Variants in MEF2A observed in about 807,000 individuals in gnomAD.
MEF2A encodes the protein myocyte enhancer factor 2A.
Under a neutral mutation model 55.8 loss-of-function variants are expected in MEF2A, and 28 were observed. The observed-to-expected ratio is 0.50, with a 90% CI of 0.37 to 0.69. MEF2A has a LOEUF of 0.69. Ranked by LOEUF, MEF2A falls within the 30% of genes least tolerant of loss-of-function variation. The pLI is 0.00. For synonymous variants in MEF2A, 239 were observed against 227.1 expected (o/e 1.05, Z -0.47); for missense variants, 528 against 626.2 (o/e 0.84, Z 1.67).
At chr15:99,636,093 G>A (rs2043781997) in intron 3 of MEF2A, among the ~76,000 whole-genome samples, 1 of 152,092 alleles carries the variant, frequency 6.6e-6, no homozygotes. Flanking sequence ...AGTCATTCTG[G>A]TAGGTGAACA....
At chr15:99,623,868 T>TG (rs1315898260) in intron 2 of MEF2A, among the ~76,000 whole-genome samples, 14 of 151,508 alleles carry the variant, frequency 9.2e-5, no homozygotes, top group African/African-American at 1.7e-4. Flanking sequence ...AGTGCAATGG[T>TG]GCGATCATGG....
At chr15:99,643,557 G>C (rs913633125) in intron 3 of MEF2A, among the ~76,000 whole-genome samples, 2 of 150,478 alleles carry the variant, frequency 1.3e-5, no homozygotes, top group Non-Finnish European at 3.0e-5. Context: ...AGATGCGGAG[G>C]TTTTTCTACT....
At chr15:99,628,982 T>A (rs1332958040) in intron 2 of MEF2A, among the ~76,000 whole-genome samples, 1 of 138,134 alleles carries the variant, frequency 7.2e-6, no homozygotes, top group Non-Finnish European at 1.6e-5. Flanking sequence ...TTTTTTTTTG[T>A]CAGATACAAA....
chr15:99,568,588 G>C (rs1960757853), intron 1 of MEF2A, among the ~76,000 whole-genome samples: 1 of 152,184 alleles, frequency 6.6e-6, no homozygotes, highest in Non-Finnish European at 1.5e-5. Flanking sequence ...TTTGGAGTTT[G>C]AAATAGTCTA....
At chr15:99,692,858 G>C (rs536086621) in intron 8 of MEF2A, among the ~76,000 whole-genome samples, 6 of 152,290 alleles carry the variant, frequency 3.9e-5, no homozygotes, top group African/African-American at 1.4e-4. Flanking sequence ...GGGCACTGTT[G>C]AAATCCTGTT....
Position 99,712,919 on chromosome 15 carries a change from GTGTA to G in MEF2A, c.*152_*155del. 2.1e-6 allele frequency: 2 copies of G among 935,290 alleles called. No individual in the cohort carries two copies. The highest frequency in any genetic ancestry group is 3.2e-6 in the Non-Finnish European group (2 of 634,476). The allele number at this position is 935,290 out of a possible 1,614,324, so 57.9% of individuals were successfully genotyped here. ...CATATATATGTATGTGGGTGTGAGT[GTGTA>G]TGTGTGGGTGTGTGTTACATACACA... On this transcript the variant is annotated 3_prime_UTR_variant, in exon 12 of 12. Coordinates refer to ENST00000557942, the MANE Select transcript of MEF2A (RefSeq NM_001319206.4). The surrounding 1 kb of genome is among the most constrained non-coding windows in gnomAD (Gnocchi z 4.1).
At position 99,673,882 on chromosome 15, in the gene MEF2A, C is replaced by T. The variant is rs1208747471; in HGVS notation, c.391-511C>T. Among the ~76,000 whole-genome samples, 7 of 150,480 alleles carry T rather than the reference C, an allele frequency of 4.7e-5. No individual in the cohort carries two copies. The East Asian group carries it at 1.4e-3, about 29-fold the overall frequency. On this transcript the variant is annotated intron_variant, in intron 5 of 11. Coordinates refer to ENST00000557942, the MANE Select transcript of MEF2A (RefSeq NM_001319206.4). ...ACTTTTTTTTTTTCTTAGTTTTGCC[C>T]TTTAGAAAGTTAGTCAATTAAATCA...
chr15:99,664,508 G>A (rs1262505372), intron 4 of MEF2A, among the ~76,000 whole-genome samples: 2 of 152,082 alleles, frequency 1.3e-5, no homozygotes, highest in Admixed American at 1.3e-4. Context: ...TGATATTGAG[G>A]GGAACTGAAT....
chr15:99,700,118 G>A (rs1354006754), intron 8 of MEF2A, among the ~76,000 whole-genome samples: 5 of 134,756 alleles, frequency 3.7e-5, no homozygotes, highest in Middle Eastern at 4.6e-3. Context: ...TCAGCCTCCC[G>A]AAGTGCTGGG....
At chr15:99,608,581 C>T (rs1975961015) in intron 2 of MEF2A, among the ~76,000 whole-genome samples, 1 of 152,098 alleles carries the variant, frequency 6.6e-6, no homozygotes, top group Admixed American at 6.6e-5. Context: ...TTACCTAAAA[C>T]ATAAGAAGTA....
At chr15:99,614,633 A>G (rs1488495143) in intron 2 of MEF2A, among the ~76,000 whole-genome samples, 1 of 152,160 alleles carries the variant, frequency 6.6e-6, no homozygotes, top group Admixed American at 6.5e-5. Flanking sequence ...CATAAGAGAG[A>G]AGTACAGTCT....
chr15:99,648,005 T>C (rs1274526181), intron 4 of MEF2A, among the ~76,000 whole-genome samples: 1 of 152,172 alleles, frequency 6.6e-6, no homozygotes, highest in Non-Finnish European at 1.5e-5. Context: ...GCAATTCACA[T>C]ACGAGTTCTT....
intron 3 of MEF2A, among the ~76,000 whole-genome samples, chr15:99,633,622 A>AT (rs1336524042): frequency 6.6e-6 from 1 of 152,268 alleles, no homozygotes; most frequent in African/African-American, 2.4e-5. Context: ...TGTAATGAGA[A>AT]TTTTTTATAC....
chr15:99,566,976 C>G (rs1272102196), intron 1 of MEF2A, among the ~76,000 whole-genome samples: 1 of 152,196 alleles, frequency 6.6e-6, no homozygotes, highest in African/African-American at 2.4e-5. Context: ...CGATTTCATG[C>G]CTTTGAGCTG....
At chr15:99,579,831 C>T (rs1284035708) in intron 1 of MEF2A, among the ~76,000 whole-genome samples, 3 of 152,090 alleles carry the variant, frequency 2.0e-5, no homozygotes, top group African/African-American at 7.2e-5. Flanking sequence ...GTGGGACTTG[C>T]AATTTTATGA....
intron 1 of MEF2A, among the ~76,000 whole-genome samples, chr15:99,576,698 T>G (rs1012606914): frequency 4.0e-5 from 6 of 151,832 alleles, no homozygotes; most frequent in Admixed American, 3.9e-4. Context: ...TGGAGTACAG[T>G]GGCGCAATCT....
At chr15:99,698,191 A>G (rs1260114048) in intron 8 of MEF2A, among the ~76,000 whole-genome samples, 1 of 152,228 alleles carries the variant, frequency 6.6e-6, no homozygotes. Context: ...TTGGAGGTTG[A>G]ACTTAAGTTT....
intron 2 of MEF2A, among the ~76,000 whole-genome samples, chr15:99,599,300 T>C (rs1972227384): frequency 6.6e-6 from 1 of 152,148 alleles, no homozygotes; most frequent in African/African-American, 2.4e-5. Context: ...CAGTGTGTTA[T>C]AATAAGTTAA....
At position 99,577,361 on chromosome 15, in the gene MEF2A, A is replaced by G. The variant is rs149178209; in HGVS notation, c.-225+11257A>G. ...TCACAGTTTGAAATAACTGGTAACA[A>G]CTGGTAACTTCATTACTTTATTCAG... On this transcript the variant is annotated intron_variant, in intron 1 of 11. Coordinates refer to ENST00000557942, the MANE Select transcript of MEF2A (RefSeq NM_001319206.4). Among the ~76,000 whole-genome samples, 767 of 152,310 alleles carry G rather than the reference A, an allele frequency of 5.0e-3. 8 individuals carry two copies. The highest frequency in any genetic ancestry group is 5.0e-3 in the Non-Finnish European group (337 of 68,028).
Sources: gnomAD v4.1 joint callset for allele counts (sites outside exome capture counted in the v4.1 genomes callset) on GRCh38, gnomAD v4.1.1 for gene constraint, Gnocchi (gnomAD v3.1) non-coding constraint, MANE v1.5 for transcripts, NCBI Gene and HGNC (gene_info 2026-07-23, HGNC 2026-07-21) for gene names.